Variants in MYO1D observed in about 807,000 individuals in gnomAD.
MYO1D encodes the protein myosin ID.
MYO1D carries 83 observed loss-of-function variants against 122.0 expected under a neutral mutation model. The ratio of observed to expected loss-of-function variants is 0.68; its 90% CI spans 0.57 to 0.82. The LOEUF (loss-of-function observed/expected upper bound fraction) is 0.82. Ranked by LOEUF, MYO1D falls within the 40% of genes least tolerant of loss-of-function variation. MYO1D has a pLI of 0.00. For synonymous variants in MYO1D, 464 were observed against 446.9 expected, an observed-to-expected ratio of 1.04 and a Z score of -0.48; for missense variants, 1,157 against 1,269.5, an observed-to-expected ratio of 0.91 and a Z score of 1.35.
chr17:32,695,637 T>C (rs2089162481), intron 16 of MYO1D, among the ~76,000 whole-genome samples: 1 of 152,194 alleles, frequency 6.6e-6, no homozygotes, highest in Admixed American at 6.5e-5. Flanking sequence ...CAAATACCCC[T>C]ATGCACAGCT....
chr17:32,876,691 G>C (rs894524323), intron 1 of MYO1D, 87 bp downstream of exon 1: 2 of 1,150,864 alleles, frequency 1.7e-6, no homozygotes. Context: ...GGGCGCTCCC[G>C]ACACCCCGGA....
At chr17:32,844,956 T>G (rs1250677844) in intron 1 of MYO1D, among the ~76,000 whole-genome samples, 1 of 151,556 alleles carries the variant, frequency 6.6e-6, no homozygotes, top group Non-Finnish European at 1.5e-5. Flanking sequence ...TATTGACACG[T>G]AAAATGTCAA....
chr17:32,594,667 T>C, intron 21 of MYO1D: 2 of 477,098 alleles, frequency 4.2e-6, no homozygotes, highest in Non-Finnish European at 7.5e-6. Context: ...TCTTCCTTTA[T>C]AGGCCTCCCA....
At chr17:32,528,932 T>G (rs1910428814) in intron 21 of MYO1D, 1 of 152,212 alleles carries the variant, frequency 6.6e-6, no homozygotes, top group African/African-American at 2.4e-5. Context: ...GAAAAAAACA[T>G]GTCTGTGGTT....
chr17:32,700,348 G>T (rs1052200780), intron 16 of MYO1D, among the ~76,000 whole-genome samples: 6 of 152,184 alleles, frequency 3.9e-5, no homozygotes, highest in Admixed American at 6.5e-5. Context: ...ATCCAATGCC[G>T]CTGCTGATCT....
chr17:32,667,460 A>G (rs562684821), intron 16 of MYO1D, among the ~76,000 whole-genome samples: 1 of 152,318 alleles, frequency 6.6e-6, no homozygotes, highest in Non-Finnish European at 1.5e-5. Context: ...CCTGACACAA[A>G]ATTCCTTCGT....
At chr17:32,644,651 C>T (rs1240093238) in intron 19 of MYO1D, among the ~76,000 whole-genome samples, 1 of 152,146 alleles carries the variant, frequency 6.6e-6, no homozygotes, top group Non-Finnish European at 1.5e-5. Context: ...TTGAATTGAT[C>T]CCTTTACCAT....
At chr17:32,535,354 C>A (rs1379396871) in intron 21 of MYO1D, among the ~76,000 whole-genome samples, 1 of 152,214 alleles carries the variant, frequency 6.6e-6, no homozygotes, top group Non-Finnish European at 1.5e-5. Context: ...ATAGCACTTG[C>A]AACGTAAACC....
intron 11 of MYO1D, among the ~76,000 whole-genome samples, chr17:32,751,840 G>A (rs1197296119): frequency 6.6e-6 from 1 of 152,140 alleles, no homozygotes; most frequent in Non-Finnish European, 1.5e-5. Context: ...TCATTAAAAT[G>A]CCCATACTGA....
intron 15 of MYO1D, among the ~76,000 whole-genome samples, chr17:32,715,041 T>C (rs1218958693): frequency 6.6e-6 from 1 of 151,936 alleles, no homozygotes; most frequent in Non-Finnish European, 1.5e-5. Context: ...AAGACATACA[T>C]GCGGCCAACA....
At chr17:32,784,679 AC>A (rs1411660550) in intron 1 of MYO1D, among the ~76,000 whole-genome samples, 2 of 152,134 alleles carry the variant, frequency 1.3e-5, no homozygotes, top group Non-Finnish European at 2.9e-5. Flanking sequence ...GAATTCTGAA[AC>A]CTTTTTTTTA....
At chr17:32,555,225 A>G (rs906175150) in intron 21 of MYO1D, among the ~76,000 whole-genome samples, 3 of 151,732 alleles carry the variant, frequency 2.0e-5, no homozygotes, top group Non-Finnish European at 4.4e-5. Context: ...AGCCTTTAAC[A>G]CCTGTGTGGT....
At chr17:32,779,183 T>C (rs1274262560) in intron 2 of MYO1D, among the ~76,000 whole-genome samples, 1 of 152,102 alleles carries the variant, frequency 6.6e-6, no homozygotes, top group Non-Finnish European at 1.5e-5. Flanking sequence ...GACTCAAAAA[T>C]TCCACTGGTA....
intron 1 of MYO1D, among the ~76,000 whole-genome samples, chr17:32,867,098 C>A (rs531406214): frequency 6.6e-6 from 1 of 152,106 alleles, no homozygotes; most frequent in African/African-American, 2.4e-5. Context: ...GAGGCCAAGG[C>A]GGGTGAATCA....
chr17:32,681,678 G>A (rs2088919698), intron 16 of MYO1D, among the ~76,000 whole-genome samples: 1 of 151,106 alleles, frequency 6.6e-6, no homozygotes, highest in African/African-American at 2.4e-5. Flanking sequence ...CAACTATGTG[G>A]TCAATTTTGG....
At chr17:32,709,378 G>A (rs1224425222) in intron 16 of MYO1D, among the ~76,000 whole-genome samples, 1 of 151,936 alleles carries the variant, frequency 6.6e-6, no homozygotes, top group Admixed American at 6.6e-5. Context: ...ACAGATCTGG[G>A]GGCAGAGGAA....
chr17:32,861,879 A>T (rs1375628030), intron 1 of MYO1D, among the ~76,000 whole-genome samples: 1 of 152,144 alleles, frequency 6.6e-6, no homozygotes, highest in African/African-American at 2.4e-5. Context: ...TTAGCTGGGC[A>T]TAGTGGTACA....
At chr17:32,746,937 G>T (rs1036647026) in intron 12 of MYO1D, among the ~76,000 whole-genome samples, 2 of 152,132 alleles carry the variant, frequency 1.3e-5, no homozygotes, top group African/African-American at 4.8e-5. Context: ...TCATCTCTAA[G>T]GCCTCTATCC....
At chr17:32,863,795 T>A (rs772373836) in intron 1 of MYO1D, among the ~76,000 whole-genome samples, 28 of 152,124 alleles carry the variant, frequency 1.8e-4, no homozygotes, top group Admixed American at 1.4e-3. Flanking sequence ...AGCTATTATC[T>A]CATTTGATAT....
Sources: allele counts gnomAD v4.1 joint callset (sites outside exome capture counted in the v4.1 genomes callset), GRCh38; gene constraint gnomAD v4.1.1; transcripts MANE v1.5; gene names NCBI Gene and HGNC (gene_info 2026-07-23, HGNC 2026-07-21).